Variants in MTSS2 observed in about 807,000 individuals in gnomAD.
The protein encoded by MTSS2 is protein MTSS 2.
MTSS2 carries 27 observed loss-of-function variants against 67.1 expected under a neutral mutation model. The observed-to-expected ratio is 0.40, with a 90% CI of 0.30 to 0.55. MTSS2 has a LOEUF of 0.55. MTSS2 is among the 20% of genes least tolerant of loss of function. The pLI, the probability that MTSS2 is intolerant of heterozygous loss-of-function variation, is 0.43. For missense variants in MTSS2, 1,171 were observed against 1,067.8 expected, an observed-to-expected ratio of 1.10 and a Z score of -1.35; for synonymous variants, 624 against 468.6, an observed-to-expected ratio of 1.33 and a Z score of -4.28.
chr16:70,665,673 C>CACCCCCCCT, intron 11 of MTSS2, 133 bp from the exon 12 acceptor site: 1 of 712,122 alleles, frequency 1.4e-6, no homozygotes, highest in Non-Finnish European at 2.3e-6. Flanking sequence ...GCCCAGCACC[C>CACCCCCCCT]ACCCCCCCTA....
intron 1 of MTSS2, 47 bp downstream of exon 1, chr16:70,685,676 G>T (rs977307747): frequency 3.4e-5 from 40 of 1,192,534 alleles, no homozygotes; most frequent in Non-Finnish European, 4.1e-5. Flanking sequence ...TCCCCGGGGG[G>T]TCCCGCACCC....
At chr16:70,674,855 G>A (rs778957469) in intron 10 of MTSS2, among the ~76,000 whole-genome samples, 13 of 152,202 alleles carry the variant, frequency 8.5e-5, no homozygotes, top group Non-Finnish European at 1.5e-4. Context: ...GCTCATGTCT[G>A]TAATCCCAGA....
At chr16:70,681,156 G>T in intron 1 of MTSS2, 131 bp from the exon 2 acceptor site, 2 of 780,214 alleles carry the variant, frequency 2.6e-6, no homozygotes, top group Non-Finnish European at 4.0e-6. Flanking sequence ...CCCATGGAGA[G>T]GGAGGCTCTG....
Position 70,665,085 on chromosome 16 carries a change from C to G in MTSS2, c.1140G>C (p.Lys380Asn). Residue 380 changes from lysine (K) to asparagine (N), a missense_variant, in exon 13 of 15, where the codon AAG becomes AAC. Transcript: ENST00000338779. The part of the protein sequence containing the change: ...ECSSPTSDWS[K>N]VGSHEQPSGA... ...CTGAGGGCTGCTCATGGGAGCCGAC[C>G]TTGGACCAGTCCTGCAGGGAGGGTG... The G allele has an allele frequency of 6.3e-7, 1 of 1,596,496 alleles. No individual in the cohort carries two copies. The highest frequency in any genetic ancestry group is 8.5e-7 in the Non-Finnish European group (1 of 1,179,138).
intron 1 of MTSS2, among the ~76,000 whole-genome samples, chr16:70,682,841 C>A (rs2053342131): frequency 6.6e-6 from 1 of 152,154 alleles, no homozygotes; most frequent in Non-Finnish European, 1.5e-5. Context: ...ACCTTCCCCA[C>A]AGCCCCATTT....
intron 9 of MTSS2, 72 bp from the exon 10 acceptor site, chr16:70,677,050 A>C (rs895042669): frequency 8.0e-5 from 92 of 1,147,734 alleles, no homozygotes; most frequent in Non-Finnish European, 9.5e-5. Flanking sequence ...GCCCCCCCCC[A>C]CTCTCTAATT....
chr16:70,683,347 C>A (rs1315594934), intron 1 of MTSS2, among the ~76,000 whole-genome samples: 1 of 152,230 alleles, frequency 6.6e-6, no homozygotes, highest in Non-Finnish European at 1.5e-5. Flanking sequence ...TCAGCCAGCA[C>A]TCCTCGCAGC....
rs559765953 is a variant in MTSS2 at position 70,664,956 on chromosome 16, C to T, written c.1269G>A (p.Pro423=). The T allele has an allele frequency of 3.0e-5, 47 of 1,569,142 alleles. No homozygotes were observed. Among genetic ancestry groups the T allele is most frequent in the Middle Eastern group, 4.0e-4 (2 of 4,942 alleles). Residue 423 remains proline, a synonymous_variant, in exon 13 of 15, where the codon CCG becomes CCA. Transcript: ENST00000338779. ...GTLGPSGEEA[P]RPRMSPATIA... ...TGGTGGCAGGGGACATCCGGGGTCG[C>T]GGTGCCTCTTCCCCGCTGGGGCCCA...
At chr16:70,682,015 C>T (rs924163259) in intron 1 of MTSS2, among the ~76,000 whole-genome samples, 2 of 152,174 alleles carry the variant, frequency 1.3e-5, no homozygotes, top group Admixed American at 6.5e-5. Flanking sequence ...AAGGGGAATG[C>T]GGAGACCCTG....
chr16:70,664,481 C>G (rs1425239974), intron 14 of MTSS2, 32 bp from the exon 15 acceptor site: 1 of 1,540,156 alleles, frequency 6.5e-7, no homozygotes, highest in East Asian at 2.3e-5. Context: ...AGGCCCAGGG[C>G]CCAGGTGGCC....
intron 1 of MTSS2, among the ~76,000 whole-genome samples, chr16:70,681,953 C>A (rs1484882097): frequency 6.6e-6 from 1 of 152,232 alleles, no homozygotes; most frequent in Non-Finnish European, 1.5e-5. Flanking sequence ...GGGCTTCTGA[C>A]CCTCCCTTCC....
chr16:70,666,724 A>G (rs942740847), intron 11 of MTSS2, among the ~76,000 whole-genome samples: 1 of 152,226 alleles, frequency 6.6e-6, no homozygotes, highest in Non-Finnish European at 1.5e-5. Flanking sequence ...CGGTTAAAGT[A>G]AAAAAACTCA....
At position 70,663,983 on chromosome 16, in the gene MTSS2, G is replaced by A. The variant is rs899575688; in HGVS notation, c.1938C>T (p.Gly646=). ...KRLSLPNTAW[G]SPSPEAAGYP... is the part of the protein sequence containing the mutation. Reference sequence around the variant, plus strand: ...ACCCGGCTGCCTCTGGGGATGGGCTGCCCCAGGCTGTGTTGGGCAGGCTGA... The same window carrying A: ...ACCCGGCTGCCTCTGGGGATGGGCTACCCCAGGCTGTGTTGGGCAGGCTGA... The change falls in exon 15 of 15, where the codon GGC becomes GGT. Residue 646 remains glycine, a synonymous_variant. Transcript: ENST00000338779. 12 of 1,584,386 alleles carry A rather than the reference G, an allele frequency of 7.6e-6. No individual in the cohort carries two copies. In the Middle Eastern group the frequency reaches 5.0e-4, roughly 66 times the overall value.
rs535856856 is a variant in MTSS2, at chr16:70,666,091, G to T, written c.1054-551C>A. 4.6e-5 allele frequency among the ~76,000 whole-genome samples: 7 copies of T among 152,302 alleles called. No individual in the cohort carries two copies. In the East Asian group the frequency reaches 1.2e-3, roughly 25 times the overall value. ...GGGTGGGATGAGGCCACCAGGCAGC[G>T]AGTGCAGTTAGACAAGATTCAAGGG... is the stretch of plus-strand genomic sequence containing the variant. On this transcript the variant is annotated intron_variant, in intron 11 of 14. Coordinates refer to ENST00000338779, the MANE Select transcript of MTSS2 (RefSeq NM_138383.3).
chr16:70,670,686 G>A (rs2052901305), intron 11 of MTSS2, among the ~76,000 whole-genome samples: 2 of 152,062 alleles, frequency 1.3e-5, no homozygotes, highest in African/African-American at 2.4e-5. Flanking sequence ...GGATAAAAAG[G>A]GCAAAACTAG....
In MTSS2 at chr16:70,664,190, G is replaced by C. The variant is rs947725884; in HGVS notation, c.1731C>G (p.Ala577=). ...TGGGGATGGGGCCAGCGCTGGACAG[G>C]GCGCGGCGCACGGTGGGCTTGGTGG... ...TPSTKPTVRR[A]LSSAGPIPIR... is the part of the protein sequence containing the mutation. The change falls in exon 15 of 15, where the codon GCC becomes GCG. Residue 577 remains alanine, a synonymous_variant. Transcript: ENST00000338779. 6.3e-7 allele frequency: 1 copy of C among 1,599,142 alleles called. No homozygotes were observed. The highest frequency in any genetic ancestry group is 1.3e-5 in the African/African-American group (1 of 74,768).
intron 11 of MTSS2, 31 bp downstream of exon 11, chr16:70,674,275 A>AC (rs1410464595): frequency 1.3e-6 from 2 of 1,599,906 alleles, no homozygotes; most frequent in Non-Finnish European, 1.7e-6. Context: ...GCTGCACCCC[A>AC]CCCTGACTGA....
intron 10 of MTSS2, among the ~76,000 whole-genome samples, chr16:70,675,502 T>A (rs1321055083): frequency 6.6e-6 from 1 of 152,210 alleles, no homozygotes; most frequent in Non-Finnish European, 1.5e-5. Flanking sequence ...TCCTATATCC[T>A]AAAGAATATA....
At chr16:70,668,640 A>AC (rs1302985415) in intron 11 of MTSS2, among the ~76,000 whole-genome samples, 1 of 151,932 alleles carries the variant, frequency 6.6e-6, no homozygotes, top group African/African-American at 2.4e-5. Context: ...TCAAATCTTA[A>AC]CCCCCAAGAT....
Sources: allele counts gnomAD v4.1 joint callset (sites outside exome capture counted in the v4.1 genomes callset), GRCh38; gene constraint gnomAD v4.1.1; transcripts MANE v1.5; gene names NCBI Gene and HGNC (gene_info 2026-07-23, HGNC 2026-07-21).